WWOX: variants seen among roughly 807,000 people sequenced by gnomAD.
The protein encoded by WWOX is WW domain containing oxidoreductase.
Under a neutral mutation model 46.2 loss-of-function variants are expected in WWOX, and 69 were observed. That is an observed-to-expected ratio of 1.49 (90% CI 1.23 to 1.82). The LOEUF is 1.82. Among genes scored for constraint, WWOX ranks in the 40% most tolerant of loss-of-function variants. The pLI is 0.00. For missense variants in WWOX, 919 were observed against 542.6 expected, an observed-to-expected ratio of 1.69 and a Z score of -6.89; for synonymous variants, 359 against 202.6, an observed-to-expected ratio of 1.77 and a Z score of -6.56.
At chr16:78,961,277 A>G (rs1045752599) in intron 8 of WWOX, among the ~76,000 whole-genome samples, 4 of 152,256 alleles carry the variant, frequency 2.6e-5, no homozygotes, top group Non-Finnish European at 4.4e-5. Flanking sequence ...CATGATAGTT[A>G]TATATGAACT....
intron 6 of WWOX, among the ~76,000 whole-genome samples, chr16:78,399,515 G>A (rs150414354): frequency 2.0e-5 from 3 of 152,264 alleles, no homozygotes; most frequent in Admixed American, 2.0e-4. Context: ...GCATTGTTGG[G>A]TTGAACAGGG....
At chr16:78,266,788 T>TCTC (rs2079370645) in intron 5 of WWOX, among the ~76,000 whole-genome samples, 1 of 115,532 alleles carries the variant, frequency 8.7e-6, no homozygotes, top group East Asian at 3.0e-4. Context: ...TATTCTTCTA[T>TCTC]TCTCTCTCTC....
At chr16:78,111,208 C>G (rs1195666138) in intron 3 of WWOX, among the ~76,000 whole-genome samples, 1 of 151,966 alleles carries the variant, frequency 6.6e-6, no homozygotes, top group Non-Finnish European at 1.5e-5. Context: ...GAAAGAGTAC[C>G]TAGGTGCCGA....
chr16:78,670,610 A>G lies in WWOX; in HGVS notation c.1056+237858A>G, dbSNP rs901907196. Among the ~76,000 whole-genome samples the G allele has an allele frequency of 6.6e-5, 10 of 152,218 alleles. 1 individual carries two copies. The highest frequency in any genetic ancestry group is 6.2e-4 in the South Asian group (3 of 4,818). On this transcript the variant is annotated intron_variant, in intron 8 of 8. Transcript: ENST00000566780. ...TACTAGATGAATAATGTCCCCCCAA[A>G]TTCGTGTCTATCTGGAACCTCAGAA...
At chr16:78,994,969 C>CTTTTTTTT (rs869088414) in intron 8 of WWOX, among the ~76,000 whole-genome samples, 250 of 114,618 alleles carry the variant, frequency 2.2e-3, no homozygotes, top group South Asian at 2.9e-3. Flanking sequence ...TCTTCTTCTT[C>CTTTTTTTT]TTTTTTTTTT....
At chr16:79,185,660 G>A (rs571878136) in intron 8 of WWOX, among the ~76,000 whole-genome samples, 2 of 152,248 alleles carry the variant, frequency 1.3e-5, no homozygotes, top group South Asian at 2.1e-4. Context: ...ACCTGCCGAT[G>A]AGCGTTTGGC....
intron 6 of WWOX, among the ~76,000 whole-genome samples, chr16:78,414,519 A>G (rs9936826): frequency 0.02 from 3,109 of 152,320 alleles, 84 homozygotes; most frequent in African/African-American, 0.07. Context: ...CAGTGAGCCA[A>G]TTGCGCCACT....
chr16:78,105,993 G>A (rs1313884837), intron 1 of WWOX, among the ~76,000 whole-genome samples: 1 of 152,086 alleles, frequency 6.6e-6, no homozygotes, highest in Middle Eastern at 3.2e-3. Flanking sequence ...GTAGAGATGG[G>A]GTTTTGCCAT....
At chr16:78,746,744 C>A (rs567330650) in intron 8 of WWOX, among the ~76,000 whole-genome samples, 2 of 152,154 alleles carry the variant, frequency 1.3e-5, no homozygotes, top group East Asian at 3.9e-4. Flanking sequence ...ATGAAACAGA[C>A]CTGAATCTGA....
chr16:78,692,455 A>G (rs2048011495), intron 8 of WWOX, among the ~76,000 whole-genome samples: 1 of 152,176 alleles, frequency 6.6e-6, no homozygotes. Flanking sequence ...CAGAAGAGTG[A>G]TGCCCCCTTC....
intron 8 of WWOX, among the ~76,000 whole-genome samples, chr16:78,479,287 G>T (rs761404465): frequency 2.6e-5 from 4 of 152,216 alleles, no homozygotes; most frequent in Non-Finnish European, 5.9e-5. Flanking sequence ...ATTTGTATCA[G>T]TCAAGCCTTC....
intron 8 of WWOX, among the ~76,000 whole-genome samples, chr16:79,148,130 A>T (rs1013319260): frequency 2.6e-5 from 4 of 152,200 alleles, no homozygotes; most frequent in African/African-American, 9.6e-5. Flanking sequence ...TTTGTTGCCA[A>T]ATCTAATAAT....
intron 8 of WWOX, among the ~76,000 whole-genome samples, chr16:78,803,256 C>A (rs184707369): frequency 9.8e-5 from 14 of 142,878 alleles, no homozygotes; most frequent in Admixed American, 6.2e-4. Flanking sequence ...TTTTTTTTTT[C>A]CTCTCCAAAC....
chr16:78,897,559 C>T (rs2044732118), intron 8 of WWOX: 1 of 152,094 alleles, frequency 6.6e-6, no homozygotes, highest in African/African-American at 2.4e-5. Context: ...CCACAATTCG[C>T]TTATCTGTGC....
intron 8 of WWOX, among the ~76,000 whole-genome samples, chr16:79,030,092 A>G (rs1304016938): frequency 2.6e-5 from 4 of 152,218 alleles, no homozygotes; most frequent in Admixed American, 2.0e-4. Flanking sequence ...AAAAGATGCT[A>G]TTTATAAAAC....
intron 8 of WWOX, among the ~76,000 whole-genome samples, chr16:78,879,824 C>T (rs1462797364): frequency 6.6e-6 from 1 of 151,382 alleles, no homozygotes; most frequent in Non-Finnish European, 1.5e-5. Context: ...TTGCCGTGAG[C>T]TGAGATCATG....
At chr16:78,783,105 T>C (rs2050371158) in intron 8 of WWOX, among the ~76,000 whole-genome samples, 1 of 152,222 alleles carries the variant, frequency 6.6e-6, no homozygotes, top group South Asian at 2.1e-4. Context: ...TGAGCAGCTA[T>C]GATCAAGTTA....
chr16:79,003,320 C>T (rs989914488), intron 8 of WWOX, among the ~76,000 whole-genome samples: 2 of 152,128 alleles, frequency 1.3e-5, no homozygotes, highest in African/African-American at 2.4e-5. Context: ...GGAACGGGGA[C>T]GTGATCTAAC....
chr16:78,594,100 C>A (rs543244723), intron 8 of WWOX, among the ~76,000 whole-genome samples: 2 of 152,112 alleles, frequency 1.3e-5, no homozygotes, highest in East Asian at 1.9e-4. Context: ...ATGATAAAGT[C>A]ACTTCTCAAC....
Sources: gnomAD v4.1 joint callset for allele counts (sites outside exome capture counted in the v4.1 genomes callset) on GRCh38, gnomAD v4.1.1 for gene constraint, MANE v1.5 for transcripts, NCBI Gene and HGNC (gene_info 2026-07-23, HGNC 2026-07-21) for gene names.